MIS18A: variants seen among roughly 807,000 people sequenced by gnomAD.
The protein encoded by MIS18A is MIS18 kinetochore protein A, also known as protein Mis18-alpha.
A neutral mutation model predicts 25.0 loss-of-function variants in MIS18A; 14 were observed. The ratio of observed to expected loss-of-function variants is 0.56; its 90% CI spans 0.37 to 0.88. The LOEUF (loss-of-function observed/expected upper bound fraction) is 0.88, where lower values mean the gene tolerates loss of function less well. Ranked by LOEUF, MIS18A falls within the 40% of genes least tolerant of loss-of-function variation. The pLI is 0.00. For synonymous variants in MIS18A, 134 were observed against 118.6 expected, an observed-to-expected ratio of 1.13 and a Z score of -0.84; for missense variants, 292 against 290.8, an observed-to-expected ratio of 1.00 and a Z score of -0.03.
the MIS18A span, among the ~76,000 whole-genome samples, chr21:32,234,340 C>A: frequency 6.6e-6 from 1 of 152,140 alleles, no homozygotes; most frequent in Non-Finnish European, 1.5e-5. Flanking sequence ...CTCAGCCTTA[C>A]GGTCTTTCTT....
At chr21:32,183,624 C>T in the MIS18A span, among the ~76,000 whole-genome samples, 1 of 152,182 alleles carries the variant, frequency 6.6e-6, no homozygotes, top group African/African-American at 2.4e-5. Flanking sequence ...TCCTTAGAAA[C>T]TGCTTTTCAG....
chr21:32,236,299 C>T, the MIS18A span, among the ~76,000 whole-genome samples: 3 of 152,060 alleles, frequency 2.0e-5, no homozygotes, highest in East Asian at 5.8e-4. Flanking sequence ...AGGAGAACGG[C>T]GTGAACCCGG....
At chr21:32,176,900 G>A in the MIS18A span, among the ~76,000 whole-genome samples, 7 of 152,034 alleles carry the variant, frequency 4.6e-5, no homozygotes, top group African/African-American at 1.7e-4. Flanking sequence ...ATTTTATGAG[G>A]ATGAAATAAT....
At chr21:32,216,812 C>G in the MIS18A span, among the ~76,000 whole-genome samples, 2 of 152,218 alleles carry the variant, frequency 1.3e-5, no homozygotes, top group East Asian at 3.9e-4. Context: ...AACCTCTCAG[C>G]AAAAATTGGG....
rs747556797 is a variant in MIS18A at position 32,279,047 on chromosome 21, TG to T, written c.-34del. On this transcript the variant is annotated 5_prime_UTR_variant, in exon 1 of 5. Coordinates refer to ENST00000290130, the MANE Select transcript of MIS18A (RefSeq NM_018944.3). ...AAATCGCCCGCGCCCCAGAGCGCCA[TG>T]GGAAAAAAAACCGCCGCTGCTCATG... is the stretch of plus-strand genomic sequence containing the variant. 24 of 1,551,288 alleles carry T rather than the reference TG, an allele frequency of 1.5e-5. No individual in the cohort carries two copies. The South Asian group carries it at 2.8e-4, about 18-fold the overall frequency.
At chr21:32,194,271 A>G in the MIS18A span, among the ~76,000 whole-genome samples, 1 of 152,312 alleles carries the variant, frequency 6.6e-6, no homozygotes, top group South Asian at 2.1e-4. Flanking sequence ...TGGCAAAGTC[A>G]TAGAACCAAT....
chr21:32,252,439 G>A, the MIS18A span, among the ~76,000 whole-genome samples: 9 of 151,276 alleles, frequency 5.9e-5, no homozygotes, highest in East Asian at 1.6e-3. Flanking sequence ...GAGGAGGAAG[G>A]GGAGAGGAGG....
chr21:32,266,077 A>T (rs543408087), downstream of MIS18A, among the ~76,000 whole-genome samples: 44 of 149,540 alleles, frequency 2.9e-4, no homozygotes, highest in Middle Eastern at 0.014. Context: ...TAGCTCAAGG[A>T]TTGTAAATAC....
the MIS18A span, among the ~76,000 whole-genome samples, chr21:32,227,600 G>C: frequency 4.6e-5 from 7 of 152,158 alleles, no homozygotes; most frequent in Admixed American, 1.3e-4. Flanking sequence ...GGCCCAGATA[G>C]CTTCACTGGT....
chr21:32,240,783 T>TC, the MIS18A span, among the ~76,000 whole-genome samples: 1 of 137,726 alleles, frequency 7.3e-6, no homozygotes, highest in East Asian at 2.1e-4. Context: ...TTTTGGTTTT[T>TC]TTAAAGTACC....
the MIS18A span, among the ~76,000 whole-genome samples, chr21:32,243,883 G>A: frequency 6.8e-4 from 103 of 151,962 alleles, no homozygotes; most frequent in African/African-American, 2.3e-3. Flanking sequence ...CCAGTGAGCC[G>A]CAATGAACTG....
chr21:32,165,653 A>C, the MIS18A span, among the ~76,000 whole-genome samples: 1 of 152,098 alleles, frequency 6.6e-6, no homozygotes, highest in Non-Finnish European at 1.5e-5. Flanking sequence ...AAAAGAAAAA[A>C]ACCCCAAAAC....
At chr21:32,253,061 G>A in the MIS18A span, among the ~76,000 whole-genome samples, 1 of 152,200 alleles carries the variant, frequency 6.6e-6, no homozygotes, top group African/African-American at 2.4e-5. Flanking sequence ...ATGTGCTTTA[G>A]GGGAGCTGTG....
the MIS18A span, among the ~76,000 whole-genome samples, chr21:32,208,313 G>T: frequency 6.6e-6 from 1 of 152,178 alleles, no homozygotes; most frequent in East Asian, 1.9e-4. Flanking sequence ...CATGGGGGTG[G>T]ATTTCTAATG....
At chr21:32,240,801 G>A in the MIS18A span, among the ~76,000 whole-genome samples, 31 of 24,848 alleles carry the variant, frequency 1.2e-3, 2 homozygotes, top group South Asian at 0.059. Flanking sequence ...ACCTACTCAA[G>A]GAAATTAGTC....
the MIS18A span, among the ~76,000 whole-genome samples, chr21:32,172,814 T>C: frequency 2.0e-5 from 3 of 152,152 alleles, no homozygotes; most frequent in African/African-American, 7.2e-5. Flanking sequence ...TTCATATTTA[T>C]GGCAAATTTA....
At chr21:32,246,022 C>T in the MIS18A span, among the ~76,000 whole-genome samples, 1 of 152,094 alleles carries the variant, frequency 6.6e-6, no homozygotes, top group East Asian at 1.9e-4. Context: ...GGGAAGCAGG[C>T]ACAGGCCCAG....
chr21:32,249,884 T>C, the MIS18A span, among the ~76,000 whole-genome samples: 2 of 152,128 alleles, frequency 1.3e-5, no homozygotes, highest in South Asian at 4.1e-4. Flanking sequence ...CATAGCAACA[T>C]GAGCTTTGCA....
the MIS18A span, among the ~76,000 whole-genome samples, chr21:32,162,299 C>G: frequency 2.0e-5 from 3 of 152,174 alleles, no homozygotes; most frequent in Non-Finnish European, 2.9e-5. Flanking sequence ...TTCCCACTTT[C>G]CCAACTGCAC....
Sources: gnomAD v4.1 joint callset for allele counts (sites outside exome capture counted in the v4.1 genomes callset) on GRCh38, gnomAD v4.1.1 for gene constraint, MANE v1.5 for transcripts, NCBI Gene and HGNC (gene_info 2026-07-23, HGNC 2026-07-21) for gene names.